Variants in MUSK observed in about 807,000 individuals in gnomAD.
MUSK encodes the protein muscle associated receptor tyrosine kinase, also known as muscle, skeletal receptor tyrosine-protein kinase.
A neutral mutation model predicts 88.7 loss-of-function variants in MUSK; 55 were observed. That is an observed-to-expected ratio of 0.62 (90% CI 0.50 to 0.78). The LOEUF (loss-of-function observed/expected upper bound fraction) is 0.78, where lower values mean the gene tolerates loss of function less well. Among genes scored for constraint, MUSK ranks in the 30% least tolerant of loss-of-function variants. The pLI, the probability that MUSK is intolerant of heterozygous loss-of-function variation, is 0.00. For missense variants in MUSK, 1,015 were observed against 1,074.3 expected, an observed-to-expected ratio of 0.94 and a Z score of 0.77; for synonymous variants, 387 against 391.9, an observed-to-expected ratio of 0.99 and a Z score of 0.15.
chr9:110,756,461 C>A (rs57369514), intron 7 of MUSK, among the ~76,000 whole-genome samples: 1 of 151,622 alleles, frequency 6.6e-6, no homozygotes, highest in Non-Finnish European at 1.5e-5. Flanking sequence ...CCTACCATCC[C>A]AATGGTGGGG....
At chr9:110,767,351 A>T (rs2077500439) in intron 8 of MUSK, among the ~76,000 whole-genome samples, 1 of 152,220 alleles carries the variant, frequency 6.6e-6, no homozygotes. Flanking sequence ...TATGTTGTCA[A>T]AAATTAAGGT....
In MUSK at chr9:110,722,197, C is replaced by T. The variant is rs1384245245; in HGVS notation, c.629-12054C>T. On this transcript the variant is annotated intron_variant, in intron 5 of 14. Transcript: ENST00000374448. ...ATTGGCTTAGGCAAAGACTTCATAA[C>T]CAAGAACTAAAAGCAAATGCAACAA... Among the ~76,000 whole-genome samples the T allele has an allele frequency of 2.6e-5, 4 of 152,052 alleles. No individual in the cohort carries two copies. In the East Asian group the frequency reaches 7.7e-4, roughly 29 times the overall value.
chr9:110,790,256 A>C (rs749439659), intron 14 of MUSK, among the ~76,000 whole-genome samples: 1 of 152,144 alleles, frequency 6.6e-6, no homozygotes, highest in Non-Finnish European at 1.5e-5. Flanking sequence ...GAGGTTTCTT[A>C]GGAATGTTGG....
chr9:110,760,407 G>C (rs2077381719), intron 7 of MUSK, among the ~76,000 whole-genome samples: 1 of 152,118 alleles, frequency 6.6e-6, no homozygotes, highest in African/African-American at 2.4e-5. Flanking sequence ...CATGTCCTTT[G>C]CAGGAACATG....
chr9:110,758,551 T>C (rs1320333607), intron 7 of MUSK, among the ~76,000 whole-genome samples: 1 of 152,136 alleles, frequency 6.6e-6, no homozygotes, highest in Non-Finnish European at 1.5e-5. Flanking sequence ...TTCAACATAG[T>C]ACTAGAAGCC....
intron 6 of MUSK, among the ~76,000 whole-genome samples, chr9:110,745,865 TA>T (rs2077169607): frequency 6.6e-6 from 1 of 152,176 alleles, no homozygotes; most frequent in South Asian, 2.1e-4. Context: ...AGGTAAAGAA[TA>T]AAAAGCTAGT....
chr9:110,678,483 T>C (rs2076059025), intron 1 of MUSK, among the ~76,000 whole-genome samples: 1 of 138,608 alleles, frequency 7.2e-6, no homozygotes. Flanking sequence ...AATTCTTTCT[T>C]AAGAGTTTTT....
intron 11 of MUSK, among the ~76,000 whole-genome samples, chr9:110,782,261 C>T (rs1272354662): frequency 6.6e-6 from 1 of 152,030 alleles, no homozygotes; most frequent in Admixed American, 6.6e-5. Flanking sequence ...AAAAGAATGA[C>T]GATTCAAAGT....
chr9:110,732,136 T>G (rs1021090190), intron 5 of MUSK, among the ~76,000 whole-genome samples: 1 of 152,124 alleles, frequency 6.6e-6, no homozygotes, highest in South Asian at 2.1e-4. Context: ...TAGAACAGTT[T>G]TCTAGCACAT....
chr9:110,755,951 C>CGTAT (rs1269355799), intron 7 of MUSK, among the ~76,000 whole-genome samples: 1 of 101,792 alleles, frequency 9.8e-6, no homozygotes, highest in Non-Finnish European at 1.9e-5. Flanking sequence ...TATATATATA[C>CGTAT]ACATATATAT....
At chr9:110,711,870 A>C (rs1357725471) in intron 5 of MUSK, among the ~76,000 whole-genome samples, 2 of 152,322 alleles carry the variant, frequency 1.3e-5, no homozygotes, top group East Asian at 1.9e-4. Context: ...GTCATTCTAG[A>C]GCACACCTGT....
chr9:110,705,280 G>GTTGCTTAGGT (rs1353788733), intron 5 of MUSK, among the ~76,000 whole-genome samples: 2 of 152,268 alleles, frequency 1.3e-5, no homozygotes, highest in Non-Finnish European at 2.9e-5. Flanking sequence ...TGATTCCTAT[G>GTTGCTTAGGT]TTGCTTAGGT....
At chr9:110,697,299 T>C (rs2076443912) in intron 4 of MUSK, 26 bp from the exon 5 acceptor site, 1 of 1,612,002 alleles carries the variant, frequency 6.2e-7, no homozygotes, top group Non-Finnish European at 8.5e-7. Flanking sequence ...TAAACATTTT[T>C]GAATTCACGT....
intron 7 of MUSK, among the ~76,000 whole-genome samples, chr9:110,753,705 C>G (rs1005457457): frequency 6.6e-6 from 1 of 151,976 alleles, no homozygotes; most frequent in Non-Finnish European, 1.5e-5. Context: ...CTTTTGGTCA[C>G]TAAATTTAAA....
chr9:110,775,684 A>G, intron 9 of MUSK, 104 bp from the exon 10 acceptor site: 1 of 1,101,854 alleles, frequency 9.1e-7, no homozygotes, highest in South Asian at 1.3e-5. Flanking sequence ...TTCAAGAACA[A>G]TTTACCATGA....
intron 7 of MUSK, among the ~76,000 whole-genome samples, chr9:110,755,951 C>CTTATATATAT (rs1269355799): frequency 9.8e-6 from 1 of 101,784 alleles, no homozygotes; most frequent in African/African-American, 4.2e-5. Context: ...TATATATATA[C>CTTATATATAT]ACATATATAT....
chr9:110,732,589 G>T (rs1329417806), intron 5 of MUSK, among the ~76,000 whole-genome samples: 2 of 151,948 alleles, frequency 1.3e-5, no homozygotes, highest in Admixed American at 1.3e-4. Flanking sequence ...TGATTGAATT[G>T]CATCTCCATA....
chr9:110,669,092 T>A, intron 1 of MUSK, 109 bp downstream of exon 1: 1 of 992,638 alleles, frequency 1.0e-6, no homozygotes, highest in Non-Finnish European at 1.6e-6. Flanking sequence ...GGGTTTTACT[T>A]GAAGAAGTAA....
intron 11 of MUSK, among the ~76,000 whole-genome samples, chr9:110,779,276 AATTT>A (rs2077717020): frequency 6.6e-6 from 1 of 152,092 alleles, no homozygotes; most frequent in Non-Finnish European, 1.5e-5. Context: ...TTCCCTCCTG[AATTT>A]ATTTCTCAAT....
Sources: gnomAD v4.1 joint callset for allele counts (sites outside exome capture counted in the v4.1 genomes callset) on GRCh38, gnomAD v4.1.1 for gene constraint, MANE v1.5 for transcripts, NCBI Gene and HGNC (gene_info 2026-07-23, HGNC 2026-07-21) for gene names.